TMEM67: variants seen among roughly 807,000 people sequenced by gnomAD.
The protein encoded by TMEM67 is meckelin.
In TMEM67, 124 loss-of-function variants were observed where a neutral mutation model predicts 136.6. That is an observed-to-expected ratio of 0.91 (90% confidence interval 0.78 to 1.05). The LOEUF is 1.05. Among genes scored for constraint, TMEM67 ranks in the 50% least tolerant of loss-of-function variants. The pLI, the probability that TMEM67 is intolerant of heterozygous loss-of-function variation, is 0.00. For synonymous variants in TMEM67, 364 were observed against 390.5 expected (o/e 0.93, Z 0.80); for missense variants, 1,107 against 1,178.4 (o/e 0.94, Z 0.89).
chr8:93,781,850 C>A, intron 10 of TMEM67, 106 bp downstream of exon 10: 1 of 564,536 alleles, frequency 1.8e-6, no homozygotes, highest in Non-Finnish European at 3.1e-6. Context: ...TTACATACTA[C>A]AGTTGATTTT....
chr8:93,777,661 T>C (rs1813615468), intron 7 of TMEM67, among the ~76,000 whole-genome samples: 1 of 152,198 alleles, frequency 6.6e-6, no homozygotes, highest in Admixed American at 6.5e-5. Context: ...CGTTGTGTGG[T>C]TTTGAGTGAG....
At chr8:93,788,604 A>G (rs765827341) in intron 14 of TMEM67, among the ~76,000 whole-genome samples, 2 of 152,182 alleles carry the variant, frequency 1.3e-5, no homozygotes, top group Non-Finnish European at 2.9e-5. Context: ...TTGCCCAATT[A>G]AGCCAGGAAC....
chr8:93,774,573 C>T (rs114596160), intron 7 of TMEM67, among the ~76,000 whole-genome samples: 2,787 of 151,938 alleles, frequency 0.018, 88 homozygotes, highest in African/African-American at 0.061. Context: ...CAAGTGTTCT[C>T]GTTGAATTCC....
At chr8:93,819,292 C>T (rs1809005067), downstream of TMEM67, 1 of 410,394 alleles carries the variant, frequency 2.4e-6, no homozygotes, top group Admixed American at 3.2e-5. Flanking sequence ...CCTTCTTCCT[C>T]AGCCACCCCC....
chr8:93,791,424 C>A, intron 15 of TMEM67, 105 bp downstream of exon 15: 1 of 740,618 alleles, frequency 1.4e-6, no homozygotes, highest in South Asian at 1.6e-5. Flanking sequence ...TATTCTTTCC[C>A]CAGACTCCCC....
In TMEM67 at chr8:93,815,368, A is replaced by G; in HGVS notation, c.2828A>G (p.Asp943Gly). 2 of 1,611,952 alleles carry G rather than the reference A, an allele frequency of 1.2e-6. No homozygotes were observed. The highest frequency in any genetic ancestry group is 1.7e-6 in the Non-Finnish European group (2 of 1,178,718). ...YGNEATLLIF[D>G]LLFFCVVDLA... ...AATGAAGCTACTCTTCTTATTTTTG[A>G]TCTGCTGTTCTTCTGTGTTGTGGAT... The change falls in exon 27 of 28, where the codon GAT (aspartate) becomes GGT (glycine). Residue 943 changes from aspartate (D) to glycine (G), a missense_variant. Asp to Gly is a moderately conservative substitution (Grantham distance 94, BLOSUM62 -1). Transcript: ENST00000453321.
intron 9 of TMEM67, among the ~76,000 whole-genome samples, chr8:93,781,267 C>G (rs1306085911): frequency 1.3e-5 from 2 of 152,092 alleles, no homozygotes; most frequent in Non-Finnish European, 2.9e-5. Context: ...CTGTTTTTTC[C>G]ACACCTTAAA....
chr8:93,832,611 G>A, the TMEM67 span, among the ~76,000 whole-genome samples: 1 of 152,166 alleles, frequency 6.6e-6, no homozygotes, highest in Non-Finnish European at 1.5e-5. Context: ...GCTTACACCT[G>A]TAATCCCAGC....
the TMEM67 span, among the ~76,000 whole-genome samples, chr8:93,828,272 T>A: frequency 6.6e-5 from 10 of 152,286 alleles, no homozygotes; most frequent in African/African-American, 1.9e-4. Flanking sequence ...AAAGAACATG[T>A]AGCCATATGC....
rs529569541 is a variant in TMEM67 at position 93,758,035 on chromosome 8, C to T, written c.313-448C>T. Among the ~76,000 whole-genome samples, 10 of 152,298 alleles carry T rather than the reference C, an allele frequency of 6.6e-5. No homozygotes were observed. The South Asian group carries it at 1.0e-3, about 16-fold the overall frequency. ...CCTCCCAAAGTGCTGGAATTACAGA[C>T]GTGAGCCACTGTGCCTGGACTAAAT... On this transcript the variant is annotated intron_variant, in intron 2 of 27. Transcript: ENST00000453321.
At chr8:93,795,796 G>A (rs938855716) in intron 17 of TMEM67, 105 bp from the exon 18 acceptor site, 18 of 866,194 alleles carry the variant, frequency 2.1e-5, no homozygotes, top group Non-Finnish European at 3.0e-5. Flanking sequence ...GCAGCATACT[G>A]AGACCCTCCT....
chr8:93,821,579 T>A (rs191416463), downstream of TMEM67, among the ~76,000 whole-genome samples: 1 of 152,320 alleles, frequency 6.6e-6, no homozygotes, highest in Admixed American at 6.5e-5. Context: ...TGTGAGCCAC[T>A]GCACCTAGCC....
chr8:93,805,321 C>T lies in TMEM67; in HGVS notation c.2439+443C>T, dbSNP rs573579587. ...AAGGACTGCCAGGCATGGTGGCTCA[C>T]GCCTGTAATCCCAGCACTTTGGGAG... On this transcript the variant is annotated intron_variant, in intron 23 of 27. Transcript: ENST00000453321. Among the ~76,000 whole-genome samples the T allele has an allele frequency of 3.0e-3, 452 of 152,136 alleles. 2 individuals are homozygous for T. The highest frequency in any genetic ancestry group is 6.8e-3 in the Middle Eastern group (2 of 294).
intron 12 of TMEM67, 46 bp downstream of exon 12, chr8:93,785,424 C>G (rs73694952): frequency 1.9e-6 from 3 of 1,566,880 alleles, no homozygotes; most frequent in Non-Finnish European, 2.6e-6. Flanking sequence ...CAGAAATCAA[C>G]AAATAAGTTA....
chr8:93,800,879 A>G (rs1016347225), intron 21 of TMEM67, among the ~76,000 whole-genome samples: 1 of 152,142 alleles, frequency 6.6e-6, no homozygotes, highest in Non-Finnish European at 1.5e-5. Context: ...TATTTATATC[A>G]TGAAACCTCA....
intron 23 of TMEM67, among the ~76,000 whole-genome samples, chr8:93,808,109 G>A (rs1586088075): frequency 6.6e-6 from 1 of 150,544 alleles, no homozygotes; most frequent in East Asian, 1.9e-4. Context: ...AGAGCAATAA[G>A]GTCAATTATA....
At chr8:93,812,428 G>A (rs1314890051) in intron 26 of TMEM67, among the ~76,000 whole-genome samples, 3 of 152,196 alleles carry the variant, frequency 2.0e-5, no homozygotes, top group African/African-American at 7.2e-5. Context: ...GCTGCAGTGA[G>A]TTATGATCAT....
At chr8:93,769,743 A>C (rs1813251123) in intron 6 of TMEM67, 1 of 163,316 alleles carries the variant, frequency 6.1e-6, no homozygotes, top group South Asian at 2.1e-4. Context: ...AAAGTAATTA[A>C]ACTTAGACGA....
intron 16 of TMEM67, among the ~76,000 whole-genome samples, chr8:93,794,240 A>G (rs1357509808): frequency 6.6e-6 from 1 of 152,088 alleles, no homozygotes; most frequent in Non-Finnish European, 1.5e-5. Context: ...TTTTCATGTT[A>G]TGATACGTGC....
Sources: allele counts gnomAD v4.1 joint callset (sites outside exome capture counted in the v4.1 genomes callset), GRCh38; gene constraint gnomAD v4.1.1; transcripts MANE v1.5; gene names NCBI Gene and HGNC (gene_info 2026-07-23, HGNC 2026-07-21).